Variants in NPAS1 observed in about 807,000 individuals in gnomAD.
The protein encoded by NPAS1 is neuronal PAS domain protein 1, also known as neuronal PAS domain-containing protein 1.
A neutral mutation model predicts 49.2 loss-of-function variants in NPAS1; 29 were observed. That is an observed-to-expected ratio of 0.59 (90% CI 0.44 to 0.80). NPAS1 has a LOEUF of 0.80. Among genes scored for constraint, NPAS1 ranks in the 30% least tolerant of loss-of-function variants. NPAS1 has a pLI of 0.00. For missense variants in NPAS1, 825 were observed against 835.5 expected, an observed-to-expected ratio of 0.99 and a Z score of 0.15; for synonymous variants, 408 against 380.4, an observed-to-expected ratio of 1.07 and a Z score of -0.84.
At chr19:47,044,166 C>T (rs112350771) in intron 11 of NPAS1, among the ~76,000 whole-genome samples, 19 of 152,274 alleles carry the variant, frequency 1.2e-4, no homozygotes, top group African/African-American at 4.3e-4. Flanking sequence ...CTCCGCCTCC[C>T]GGGTTCAAGT....
chr19:47,040,928 C>A, intron 9 of NPAS1, 50 bp from the exon 10 acceptor site: 4 of 1,416,642 alleles, frequency 2.8e-6, no homozygotes, highest in South Asian at 1.5e-5. Context: ...CTCTGTCTTG[C>A]CCCTGTCCCC....
chr19:47,044,952 C>T (rs1456706485), intron 11 of NPAS1, among the ~76,000 whole-genome samples: 1 of 152,116 alleles, frequency 6.6e-6, no homozygotes, highest in African/African-American at 2.4e-5. Flanking sequence ...ATAGCTTGAA[C>T]CCCAGAGGCG....
intron 3 of NPAS1, among the ~76,000 whole-genome samples, chr19:47,026,259 G>A (rs886203462): frequency 6.6e-6 from 1 of 152,194 alleles, no homozygotes; most frequent in Admixed American, 6.6e-5. Context: ...TCTTTGAGCT[G>A]AGGCTCCAAG....
intron 3 of NPAS1, among the ~76,000 whole-genome samples, chr19:47,026,769 A>G (rs1443402092): frequency 6.6e-6 from 1 of 152,150 alleles, no homozygotes; most frequent in Non-Finnish European, 1.5e-5. Context: ...AGCCTGACCA[A>G]TATGGTGAAA....
chr19:47,045,028 TCA>T (rs2057059485), intron 11 of NPAS1, among the ~76,000 whole-genome samples, 161 bp from the exon 12 acceptor site: 1 of 149,806 alleles, frequency 6.7e-6, no homozygotes, highest in African/African-American at 2.5e-5. Flanking sequence ...AGACTCCGTC[TCA>T]CAAAAAAACA....
At chr19:47,044,850 C>A (rs1004705050) in intron 11 of NPAS1, among the ~76,000 whole-genome samples, 1 of 151,928 alleles carries the variant, frequency 6.6e-6, no homozygotes, top group East Asian at 1.9e-4. Context: ...GCCAACATGG[C>A]GACACCCCAT....
At chr19:47,020,966 G>A in intron 1 of NPAS1, 40 bp from the exon 2 acceptor site, 8 of 1,181,956 alleles carry the variant, frequency 6.8e-6, no homozygotes, top group Non-Finnish European at 9.1e-6. Context: ...AAGGTCTCCC[G>A]AGGGCACTAA....
At chr19:47,038,181 A>T (rs2056978496) in intron 6 of NPAS1, among the ~76,000 whole-genome samples, 1 of 152,206 alleles carries the variant, frequency 6.6e-6, no homozygotes, top group African/African-American at 2.4e-5. Flanking sequence ...AAGCTATGGC[A>T]GGTTCAGAGC....
intron 11 of NPAS1, 134 bp from the exon 12 acceptor site, chr19:47,045,053 AAAAC>A (rs757232683): frequency 1.9e-4 from 168 of 871,352 alleles, no homozygotes; most frequent in Admixed American, 9.7e-4. Context: ...AAACAAAAAC[AAAAC>A]AAACAAACAA....
intron 8 of NPAS1, 67 bp downstream of exon 8, chr19:47,039,631 G>C: frequency 6.7e-7 from 1 of 1,481,658 alleles, no homozygotes; most frequent in Non-Finnish European, 9.1e-7. Flanking sequence ...TACATGGGGA[G>C]TCAGAGGGAG....
At chr19:47,026,898 A>G (rs1005536356) in intron 3 of NPAS1, among the ~76,000 whole-genome samples, 2 of 151,588 alleles carry the variant, frequency 1.3e-5, no homozygotes, top group African/African-American at 4.9e-5. Flanking sequence ...GGTTGCGGTG[A>G]GCTGAGATCC....
chr19:47,020,893 GGCCC>G, intron 1 of NPAS1, 109 bp from the exon 2 acceptor site: 61 of 385,834 alleles, frequency 1.6e-4, no homozygotes, highest in Non-Finnish European at 1.9e-4. Flanking sequence ...GCATCATCCA[GGCCC>G]CCCCCCCCCC....
Position 47,039,062 on chromosome 19 carries a change from T to A in NPAS1, c.715T>A (p.Ser239Thr). 6.2e-7 allele frequency: 1 copy of A among 1,614,022 alleles called. No individual in the cohort carries two copies. The highest frequency in any genetic ancestry group is 1.6e-4 in the Middle Eastern group (1 of 6,062). The part of the protein sequence containing the change: ...IEASLTKVPP[S>T]SLVQERSFFV... ...GGCCAGCCTCACCAAGGTGCCCCCC[T>A]CCTCCCTGGTCCAGGAGCGCTCCTT... The change falls in exon 7 of 12, where the codon TCC (serine) becomes ACC (threonine). Residue 239 changes from serine (S) to threonine (T), a missense_variant. Physicochemically the swap from Ser to Thr is moderately conservative, Grantham distance 58. Coordinates refer to ENST00000602212, the MANE Select transcript of NPAS1 (RefSeq NM_002517.4).
At chr19:47,026,997 G>A (rs977724307) in intron 3 of NPAS1, among the ~76,000 whole-genome samples, 1 of 151,464 alleles carries the variant, frequency 6.6e-6, no homozygotes, top group African/African-American at 2.4e-5. Flanking sequence ...ATGACTCCCA[G>A]TATTAGGCAC....
chr19:47,040,593 A>G lies in NPAS1; in HGVS notation c.1069+43A>G. 3 of 1,360,402 alleles carry G rather than the reference A, an allele frequency of 2.2e-6. No individual in the cohort carries two copies. The South Asian group carries it at 3.8e-5, about 17-fold the overall frequency. The allele number at this position is 1,360,402 out of a possible 1,614,324, so 84.3% of individuals were successfully genotyped here. A position where few individuals can be genotyped will look rare whatever the true frequency, so the allele number is the denominator to read the frequency against. On this transcript the variant is annotated intron_variant, in intron 9 of 11. Coordinates refer to ENST00000602212, the MANE Select transcript of NPAS1 (RefSeq NM_002517.4). ...CCACCAAGCCTGCCTACCACCCCCC[A>G]GACCCGAGCATCCCACTCCCTGGTC...
chr19:47,042,035 C>T (rs1599922413), intron 10 of NPAS1, among the ~76,000 whole-genome samples: 1 of 146,130 alleles, frequency 6.8e-6, no homozygotes, highest in African/African-American at 2.6e-5. Flanking sequence ...AGGCCAGGCA[C>T]AGTGGCTCAC....
intron 9 of NPAS1, 119 bp from the exon 10 acceptor site, chr19:47,040,858 AC>A: frequency 1.2e-6 from 1 of 808,488 alleles, no homozygotes; most frequent in Non-Finnish European, 1.9e-6. Context: ...TCTTCTCCCC[AC>A]CGTCTCCCTG....
chr19:47,027,882 C>A (rs1599897723), intron 3 of NPAS1, among the ~76,000 whole-genome samples: 1 of 152,084 alleles, frequency 6.6e-6, no homozygotes, highest in Non-Finnish European at 1.5e-5. Flanking sequence ...AAGTCTCCTG[C>A]TGAATGTGGG....
chr19:47,026,237 C>T (rs1372784126), intron 3 of NPAS1, among the ~76,000 whole-genome samples: 1 of 152,172 alleles, frequency 6.6e-6, no homozygotes, highest in African/African-American at 2.4e-5. Context: ...CTGGGCCCAG[C>T]CAAGGAAGTG....
Sources: gnomAD v4.1 joint callset for allele counts (sites outside exome capture counted in the v4.1 genomes callset) on GRCh38, gnomAD v4.1.1 for gene constraint, MANE v1.5 for transcripts, NCBI Gene and HGNC (gene_info 2026-07-23, HGNC 2026-07-21) for gene names.